TTC7B: variants seen among roughly 807,000 people sequenced by gnomAD.
TTC7B encodes tetratricopeptide repeat domain 7B.
In TTC7B, 28 loss-of-function variants were observed where a neutral mutation model predicts 106.8. The ratio of observed to expected loss-of-function variants is 0.26; its 90% CI spans 0.19 to 0.36. The LOEUF (loss-of-function observed/expected upper bound fraction) is 0.36, where lower values mean the gene tolerates loss of function less well. TTC7B is among the 10% of genes least tolerant of loss of function. TTC7B has a pLI of 1.00. For synonymous variants in TTC7B, 405 were observed against 430.6 expected, an observed-to-expected ratio of 0.94 and a Z score of 0.74; for missense variants, 862 against 1,076.4, an observed-to-expected ratio of 0.80 and a Z score of 2.79.
intron 3 of TTC7B, among the ~76,000 whole-genome samples, chr14:90,777,059 A>G (rs1482399597): frequency 6.6e-6 from 1 of 152,064 alleles, no homozygotes; most frequent in Non-Finnish European, 1.5e-5. Flanking sequence ...AACATGGTGA[A>G]ACCCTGTCTC....
intron 14 of TTC7B, chr14:90,645,087 T>C (rs558526022): frequency 6.6e-6 from 1 of 152,250 alleles, no homozygotes; most frequent in African/African-American, 2.4e-5. Flanking sequence ...AGCTCTGGAC[T>C]GAAGCATTCT....
chr14:90,620,991 C>T (rs923425094), intron 15 of TTC7B, among the ~76,000 whole-genome samples: 7 of 152,168 alleles, frequency 4.6e-5, no homozygotes, highest in African/African-American at 1.7e-4. Context: ...AGAGGAACAG[C>T]ATGAGAGAGG....
intron 15 of TTC7B, among the ~76,000 whole-genome samples, chr14:90,630,653 C>G (rs1000485481): frequency 1.3e-5 from 2 of 152,206 alleles, no homozygotes; most frequent in African/African-American, 4.8e-5. Context: ...CCCATTCCCC[C>G]TCCCAGCCCT....
chr14:90,747,507 C>T (rs894515000), intron 3 of TTC7B, among the ~76,000 whole-genome samples: 2 of 152,168 alleles, frequency 1.3e-5, no homozygotes, highest in African/African-American at 4.8e-5. Flanking sequence ...AGAGAACACA[C>T]CCGAAGTCTC....
At chr14:90,632,147 C>T (rs1215950932) in intron 15 of TTC7B, among the ~76,000 whole-genome samples, 1 of 152,180 alleles carries the variant, frequency 6.6e-6, no homozygotes, top group Non-Finnish European at 1.5e-5. Flanking sequence ...CTCACTCCTT[C>T]CAGACATCCT....
chr14:90,718,967 T>C (rs1368780149), intron 5 of TTC7B, among the ~76,000 whole-genome samples: 2 of 151,586 alleles, frequency 1.3e-5, no homozygotes, highest in Non-Finnish European at 1.5e-5. Context: ...TTTGAGAATT[T>C]AACCTCAGGT....
At chr14:90,743,918 C>T (rs112263977) in intron 4 of TTC7B, among the ~76,000 whole-genome samples, 2,667 of 152,306 alleles carry the variant, frequency 0.018, 64 homozygotes, top group African/African-American at 0.059. Context: ...TCTGAGGCTG[C>T]GAGCTTAGAA....
intron 3 of TTC7B, among the ~76,000 whole-genome samples, chr14:90,763,447 C>A (rs979902258): frequency 4.0e-4 from 61 of 152,226 alleles, no homozygotes; most frequent in Admixed American, 3.9e-3. Context: ...AGCTTTCCCC[C>A]TAAAATAAGG....
chr14:90,698,962 TCTCTC>T (rs1162869780), intron 5 of TTC7B: 2 of 332,154 alleles, frequency 6.0e-6, no homozygotes, highest in African/African-American at 2.2e-5. Flanking sequence ...CATCTTTTCT[TCTCTC>T]CTATCTTTTC....
chr14:90,571,023 A>G (rs1320277058), intron 19 of TTC7B, among the ~76,000 whole-genome samples: 1 of 151,958 alleles, frequency 6.6e-6, no homozygotes, highest in African/African-American at 2.4e-5. Context: ...CCAACATACG[A>G]TTTCACGACT....
chr14:90,531,941 A>C lies in TTC7B; in HGVS notation c.*9427T>G, dbSNP rs1889299604. 6.6e-6 allele frequency: 1 copy of C among 152,216 alleles called. No homozygotes were observed. Among genetic ancestry groups the C allele is most frequent in the African/African-American group, 2.4e-5 (1 of 41,458 alleles). 9.4% of individuals were successfully genotyped at this position (152,216 alleles called of 1,614,324 possible). On this transcript the variant is annotated 3_prime_UTR_variant, in exon 20 of 20. Coordinates refer to ENST00000328459, the MANE Select transcript of TTC7B (RefSeq NM_001010854.2). ...TCACACCTGTTATCCCAGACCTTTAAGAGGCTGAGGGGACCAGATCACTTG... is the reference window on the plus strand; with the variant it reads ...TCACACCTGTTATCCCAGACCTTTACGAGGCTGAGGGGACCAGATCACTTG...
chr14:90,755,869 C>G (rs1890277120), intron 3 of TTC7B, among the ~76,000 whole-genome samples: 1 of 152,266 alleles, frequency 6.6e-6, no homozygotes, highest in South Asian at 2.1e-4. Context: ...GGCCCAGTGC[C>G]TGGCATGCAG....
intron 15 of TTC7B, among the ~76,000 whole-genome samples, chr14:90,633,451 C>T (rs1884788851): frequency 1.3e-5 from 2 of 152,238 alleles, no homozygotes; most frequent in South Asian, 4.1e-4. Flanking sequence ...AATGAGAATG[C>T]AACCTTTCAG....
intron 3 of TTC7B, among the ~76,000 whole-genome samples, chr14:90,749,862 G>A (rs138412164): frequency 1.7e-3 from 252 of 152,284 alleles, no homozygotes; most frequent in Admixed American, 9.0e-3. Context: ...GAAATTTGAT[G>A]TAGGTCTATT....
intron 3 of TTC7B, among the ~76,000 whole-genome samples, chr14:90,749,467 G>A (rs1294135230): frequency 2.1e-5 from 3 of 144,338 alleles, no homozygotes; most frequent in East Asian, 2.0e-4. Flanking sequence ...GTGCAATGGC[G>A]CAATCTCAGC....
intron 15 of TTC7B, among the ~76,000 whole-genome samples, chr14:90,628,049 T>C (rs1884527260): frequency 6.6e-6 from 1 of 152,232 alleles, no homozygotes; most frequent in African/African-American, 2.4e-5. Context: ...GCCAGGGCTA[T>C]TCCCGAAGGC....
At chr14:90,714,522 T>C (rs1196261250) in intron 5 of TTC7B, among the ~76,000 whole-genome samples, 1 of 151,338 alleles carries the variant, frequency 6.6e-6, no homozygotes, top group African/African-American at 2.4e-5. Context: ...AATGGCGCAA[T>C]CTTGGCTCAC....
At chr14:90,650,205 C>T (rs776642834) in intron 13 of TTC7B, among the ~76,000 whole-genome samples, 25 of 152,182 alleles carry the variant, frequency 1.6e-4, no homozygotes, top group South Asian at 4.1e-4. Flanking sequence ...TCGACTATTA[C>T]GCTTCTTGTC....
intron 18 of TTC7B, among the ~76,000 whole-genome samples, chr14:90,584,455 C>T (rs960778963): frequency 3.9e-5 from 6 of 152,354 alleles, no homozygotes; most frequent in Admixed American, 1.3e-4. Flanking sequence ...GGCCCCACTG[C>T]AGGCTGTGTG....
Sources: gnomAD v4.1 joint callset for allele counts (sites outside exome capture counted in the v4.1 genomes callset) on GRCh38, gnomAD v4.1.1 for gene constraint, MANE v1.5 for transcripts, NCBI Gene and HGNC (gene_info 2026-07-23, HGNC 2026-07-21) for gene names.